The following FRRS1 variants were observed in gnomAD, a reference collection of about 807,000 sequenced individuals.
FRRS1 encodes ferric reductase 1.
In FRRS1, 51 loss-of-function variants were observed where a neutral mutation model predicts 70.7. That is an observed-to-expected ratio of 0.72 (90% CI 0.58 to 0.91). The LOEUF (loss-of-function observed/expected upper bound fraction) is 0.91. Ranked by LOEUF, FRRS1 falls within the 40% of genes least tolerant of loss-of-function variation. FRRS1 has a pLI of 0.00. For missense variants in FRRS1, 672 were observed against 726.0 expected (o/e 0.93, Z 0.86); for synonymous variants, 225 against 238.7 (o/e 0.94, Z 0.53).
chr1:99,719,759 A>C (rs1376126343), intron 9 of FRRS1, 112 bp from the exon 10 acceptor site: 2 of 616,514 alleles, frequency 3.2e-6, no homozygotes, highest in East Asian at 5.7e-5. Flanking sequence ...GGTAATAAAA[A>C]ATAATTAAAT....
chr1:99,746,501 GA>G lies in FRRS1; in HGVS notation c.333+792del, dbSNP rs563866044. Among the ~76,000 whole-genome samples the G allele has an allele frequency of 5.2e-3, 792 of 151,884 alleles. 7 individuals are homozygous for G. The Middle Eastern group carries it at 0.092, about 18-fold the overall frequency. ...AATCATAAAAGAGACTGTGAATATG[GA>G]AAAAAAAGGTGGGGGACGAAGGGTT... On this transcript the variant is annotated intron_variant, in intron 4 of 16. Coordinates refer to ENST00000646001, the MANE Select transcript of FRRS1 (RefSeq NM_001361041.2).
rs78219041 is a variant in FRRS1 at position 99,722,435 on chromosome 1, G to A, written c.1007-2788C>T. ...CCACACATTCGCACACATTCACAACGTAAACCAAAATCACTTATGAATATA... is the reference window on the plus strand; with the variant it reads ...CCACACATTCGCACACATTCACAACATAAACCAAAATCACTTATGAATATA... On this transcript the variant is annotated intron_variant, in intron 9 of 16. Transcript: ENST00000646001. 5.4e-4 allele frequency among the ~76,000 whole-genome samples: 82 copies of A among 151,970 alleles called. No individual in the cohort carries two copies. The East Asian group carries it at 0.015, about 28-fold the overall frequency.
chr1:99,744,506 G>T (rs1656142123), intron 4 of FRRS1, among the ~76,000 whole-genome samples: 1 of 152,016 alleles, frequency 6.6e-6, no homozygotes, highest in African/African-American at 2.4e-5. Flanking sequence ...AATACAAAAG[G>T]CCGGGCGCAG....
rs1656004279 is a variant in FRRS1 at position 99,742,273 on chromosome 1, C to T, written c.334G>A (p.Gly112Arg). 5 of 1,590,704 alleles carry T rather than the reference C, an allele frequency of 3.1e-6. No individual in the cohort carries two copies. Among genetic ancestry groups the T allele is most frequent in the Middle Eastern group, 1.7e-4 (1 of 6,028 alleles). ...GCACTTCTGTGACTCACTGCTGATC[C>T]CTGAAATAAAAGGGAAAAGAGCTAC... Reference protein sequence around the residue: ...SQLLTCEDIQGSAVSHRSASK... With the variant: ...SQLLTCEDIQRSAVSHRSASK... Residue 112 changes from glycine (G) to arginine (R), a missense_variant and splice_region_variant, in exon 5 of 17, where the codon GGA (glycine) becomes AGA (arginine). Coordinates refer to ENST00000646001, the MANE Select transcript of FRRS1 (RefSeq NM_001361041.2).
At chr1:99,749,221 G>C (rs11166324) in intron 1 of FRRS1, among the ~76,000 whole-genome samples, 29,453 of 152,032 alleles carry the variant, frequency 0.19, 3,036 homozygotes, top group East Asian at 0.27. Flanking sequence ...TTTTGGTAGA[G>C]ACGGAGTTAC....
intron 1 of FRRS1, among the ~76,000 whole-genome samples, chr1:99,752,738 C>A (rs185709705): frequency 1.3e-5 from 2 of 149,970 alleles, no homozygotes; most frequent in East Asian, 4.0e-4. Context: ...TAATGAGACC[C>A]CCATCTCTAT....
chr1:99,739,879 C>T (rs1010651355), intron 6 of FRRS1, among the ~76,000 whole-genome samples: 6 of 103,970 alleles, frequency 5.8e-5, no homozygotes, highest in South Asian at 2.8e-4. Context: ...TTTCTCAACA[C>T]GTTTTTTTTT....
intron 4 of FRRS1, among the ~76,000 whole-genome samples, chr1:99,743,084 A>G (rs1372300354): frequency 6.6e-6 from 1 of 152,254 alleles, no homozygotes; most frequent in Non-Finnish European, 1.5e-5. Context: ...TATAATTAAG[A>G]GCCAATATTC....
intron 15 of FRRS1, 64 bp downstream of exon 15, chr1:99,710,742 G>A (rs1030884287): frequency 1.3e-5 from 19 of 1,414,626 alleles, no homozygotes; most frequent in African/African-American, 8.5e-5. Flanking sequence ...ATCGGGAAGC[G>A]CATTCTTTTC....
Position 99,708,788 on chromosome 1 carries a change from G to T in FRRS1, c.*240C>A. 1 of 657,182 alleles carries T rather than the reference G, an allele frequency of 1.5e-6. No individual in the cohort carries two copies. Among genetic ancestry groups the T allele is most frequent in the Non-Finnish European group, 2.6e-6 (1 of 389,722 alleles). The allele number at this position is 657,182 out of a possible 1,614,324, so 40.7% of individuals were successfully genotyped here. A position where few individuals can be genotyped will look rare whatever the true frequency, so the allele number is the denominator to read the frequency against. On this transcript the variant is annotated 3_prime_UTR_variant, in exon 17 of 17. Coordinates refer to ENST00000646001, the MANE Select transcript of FRRS1 (RefSeq NM_001361041.2). The stretch of plus-strand genomic sequence containing the variant: ...ATATTTGAGAGTTACTTCTCCTGAA[G>T]TACAATCTTTCCTTTAAGACCCAGA...
At position 99,708,952 on chromosome 1, in the gene FRRS1, G is replaced by A. The variant is rs771979007; in HGVS notation, c.*76C>T. ...AGAATTCACAAATATGCTCCAGGCA[G>A]TCAGGACAGGCTTCAAGTTTCTTTG... is the stretch of plus-strand genomic sequence containing the variant. On this transcript the variant is annotated 3_prime_UTR_variant, in exon 17 of 17. Transcript: ENST00000646001. The A allele has an allele frequency of 8.7e-6, 14 of 1,613,876 alleles. No individual in the cohort carries two copies. The highest frequency in any genetic ancestry group is 1.2e-5 in the Non-Finnish European group (14 of 1,179,994).
chr1:99,713,766 T>A lies in FRRS1; in HGVS notation c.1324-1251A>T, dbSNP rs552972668. Among the ~76,000 whole-genome samples, 19 of 152,322 alleles carry A rather than the reference T, an allele frequency of 1.2e-4. No individual in the cohort carries two copies. The South Asian group carries it at 3.9e-3, about 32-fold the overall frequency. ...TATCAGTGGATATCCCAGCTCTGAC[T>A]GAGCTGACATAGTAGTGTTGGAAGG... is the stretch of plus-strand genomic sequence containing the variant. On this transcript the variant is annotated intron_variant, in intron 12 of 16. Transcript: ENST00000646001.
intron 9 of FRRS1, among the ~76,000 whole-genome samples, chr1:99,721,163 G>A (rs957392586): frequency 2.6e-5 from 4 of 152,104 alleles, no homozygotes; most frequent in South Asian, 2.1e-4. Flanking sequence ...GGTGGATCAC[G>A]AGGTCAAGAG....
At chr1:99,766,149 G>C (rs1463000215) in intron 1 of FRRS1, among the ~76,000 whole-genome samples, 1 of 152,024 alleles carries the variant, frequency 6.6e-6, no homozygotes, top group Non-Finnish European at 1.5e-5. Context: ...CTAGGGAGTG[G>C]GAGGGTAAGG....
intron 7 of FRRS1, among the ~76,000 whole-genome samples, chr1:99,735,579 TCCC>T (rs1332476667): frequency 6.6e-6 from 1 of 152,158 alleles, no homozygotes; most frequent in East Asian, 1.9e-4. Flanking sequence ...ATGATTCATT[TCCC>T]CCAAGTTAGT....
intron 4 of FRRS1, among the ~76,000 whole-genome samples, chr1:99,746,625 C>A (rs1656284228): frequency 6.6e-6 from 1 of 152,120 alleles, no homozygotes; most frequent in Non-Finnish European, 1.5e-5. Flanking sequence ...CAAACCAGTG[C>A]CAGATGACGA....
At chr1:99,714,047 G>C (rs759111426) in intron 12 of FRRS1, among the ~76,000 whole-genome samples, 1 of 152,096 alleles carries the variant, frequency 6.6e-6, no homozygotes, top group Non-Finnish European at 1.5e-5. Context: ...TAGAAGGAGA[G>C]GACGAGGAGG....
chr1:99,724,192 T>G (rs930281135), intron 9 of FRRS1, among the ~76,000 whole-genome samples: 1 of 152,244 alleles, frequency 6.6e-6, no homozygotes, highest in Non-Finnish European at 1.5e-5. Context: ...TTCCATTGTG[T>G]GGCTCCATTA....
chr1:99,750,665 T>C (rs952754786), intron 1 of FRRS1, among the ~76,000 whole-genome samples: 1 of 120,172 alleles, frequency 8.3e-6, no homozygotes, highest in Non-Finnish European at 1.6e-5. Context: ...TAGAAAAATA[T>C]CAAACTGAAA....
Sources: gnomAD v4.1 joint callset for allele counts (sites outside exome capture counted in the v4.1 genomes callset) on GRCh38, gnomAD v4.1.1 for gene constraint, MANE v1.5 for transcripts, NCBI Gene and HGNC (gene_info 2026-07-23, HGNC 2026-07-21) for gene names.